The following PDLIM5 variants were observed in gnomAD, a reference collection of about 807,000 sequenced individuals.
PDLIM5 encodes the protein PDZ and LIM domain protein 5.
A neutral mutation model predicts 64.2 loss-of-function variants in PDLIM5; 34 were observed. The ratio of observed to expected loss-of-function variants is 0.53; its 90% CI spans 0.40 to 0.71. The LOEUF (loss-of-function observed/expected upper bound fraction) is 0.71. PDLIM5 is among the 30% of genes least tolerant of loss of function. The pLI, the probability that PDLIM5 is intolerant of heterozygous loss-of-function variation, is 0.00. For missense variants in PDLIM5, 683 were observed against 733.6 expected, an observed-to-expected ratio of 0.93 and a Z score of 0.80; for synonymous variants, 253 against 269.1, an observed-to-expected ratio of 0.94 and a Z score of 0.59.
intron 2 of PDLIM5, among the ~76,000 whole-genome samples, chr4:94,480,049 G>A (rs1304018368): frequency 2.0e-5 from 3 of 152,294 alleles, no homozygotes; most frequent in African/African-American, 7.2e-5. Flanking sequence ...CACTAAATCA[G>A]CAGCTGTCTT....
intron 3 of PDLIM5, among the ~76,000 whole-genome samples, chr4:94,526,932 G>A (rs942950469): frequency 2.7e-5 from 4 of 149,936 alleles, no homozygotes; most frequent in Admixed American, 6.7e-5. Flanking sequence ...ATGGAGTTTC[G>A]TCATGTTGTC....
chr4:94,648,440 C>G (rs545680682), intron 9 of PDLIM5, among the ~76,000 whole-genome samples: 2 of 152,304 alleles, frequency 1.3e-5, no homozygotes, highest in South Asian at 2.1e-4. Context: ...CTGCCTTGGC[C>G]TCCTGAATAG....
intron 3 of PDLIM5, among the ~76,000 whole-genome samples, chr4:94,571,369 T>C (rs988985627): frequency 6.6e-6 from 1 of 152,224 alleles, no homozygotes; most frequent in Non-Finnish European, 1.5e-5. Context: ...ATTGATGGCT[T>C]TGTTCTTTGA....
At chr4:94,593,516 G>C (rs1027247743) in intron 7 of PDLIM5, among the ~76,000 whole-genome samples, 1 of 152,004 alleles carries the variant, frequency 6.6e-6, no homozygotes, top group South Asian at 2.1e-4. Context: ...TTCTCTGTGG[G>C]GGCACAGAGA....
In PDLIM5 at chr4:94,563,950, C is replaced by T. The variant is rs968224269; in HGVS notation, c.249-9401C>T. On this transcript the variant is annotated intron_variant, in intron 3 of 12. Coordinates refer to ENST00000317968, the MANE Select transcript of PDLIM5 (RefSeq NM_006457.5). ...TTAGCAATTTTTCTTTTTTTTTTTT[C>T]TTTCTTTCTTTTTTTTTTTTTTTTC... 1.0e-3 allele frequency among the ~76,000 whole-genome samples: 119 copies of T among 118,074 alleles called. 2 individuals are homozygous for T. The South Asian group carries it at 0.015, about 15-fold the overall frequency. 77.5% of individuals were successfully genotyped at this position (118,074 alleles called of 152,430 possible).
At chr4:94,580,542 A>G (rs2110297905) in intron 5 of PDLIM5, among the ~76,000 whole-genome samples, 1 of 152,296 alleles carries the variant, frequency 6.6e-6, no homozygotes, top group African/African-American at 2.4e-5. Context: ...CAGTGTAAAA[A>G]TGTTAGACTT....
At chr4:94,517,685 A>G (rs185231289) in intron 2 of PDLIM5, among the ~76,000 whole-genome samples, 2 of 152,204 alleles carry the variant, frequency 1.3e-5, no homozygotes, top group East Asian at 3.9e-4. Context: ...TACATTTACT[A>G]TATCTGATGG....
At chr4:94,525,316 G>T (rs1344909803) in intron 3 of PDLIM5, among the ~76,000 whole-genome samples, 1 of 152,096 alleles carries the variant, frequency 6.6e-6, no homozygotes, top group African/African-American at 2.4e-5. Flanking sequence ...CTACTTGGGG[G>T]CTGAGGCAGG....
intron 8 of PDLIM5, among the ~76,000 whole-genome samples, chr4:94,619,126 C>T (rs764167272): frequency 5.9e-5 from 9 of 152,158 alleles, no homozygotes; most frequent in Non-Finnish European, 8.8e-5. Context: ...GTCACCAAAG[C>T]TAGAATGTAG....
chr4:94,480,523 A>G (rs962879574), intron 2 of PDLIM5, among the ~76,000 whole-genome samples: 2 of 152,234 alleles, frequency 1.3e-5, no homozygotes, highest in African/African-American at 4.8e-5. Context: ...TGGTGTTCCC[A>G]GAGCCCAACT....
At chr4:94,650,192 C>G in intron 9 of PDLIM5, among the ~76,000 whole-genome samples, 1 of 152,076 alleles carries the variant, frequency 6.6e-6, no homozygotes, top group East Asian at 1.9e-4. Flanking sequence ...CTCTTTTACT[C>G]TCTTCCTGCT....
chr4:94,647,997 T>C (rs961072947), intron 9 of PDLIM5, among the ~76,000 whole-genome samples: 2 of 152,208 alleles, frequency 1.3e-5, no homozygotes, highest in Non-Finnish European at 2.9e-5. Context: ...CCAAAACTTA[T>C]TGAATGCAGC....
intron 11 of PDLIM5, among the ~76,000 whole-genome samples, chr4:94,660,926 TA>T (rs869134683): frequency 1.3e-3 from 150 of 115,928 alleles, no homozygotes; most frequent in Non-Finnish European, 2.2e-3. Context: ...TAAAAAAAAA[TA>T]AAAAAAATAG....
intron 7 of PDLIM5, among the ~76,000 whole-genome samples, chr4:94,599,925 T>C (rs960969657): frequency 3.3e-5 from 5 of 152,142 alleles, no homozygotes; most frequent in Non-Finnish European, 7.4e-5. Context: ...GAAGAGACTG[T>C]AAAGAAGGTA....
chr4:94,636,603 A>T (rs1434996551), intron 8 of PDLIM5, among the ~76,000 whole-genome samples: 5 of 140,256 alleles, frequency 3.6e-5, no homozygotes, highest in African/African-American at 1.4e-4. Context: ...CAGTGGTGCG[A>T]TCTTGGCTCA....
chr4:94,553,064 G>T (rs566331066), intron 3 of PDLIM5, among the ~76,000 whole-genome samples: 21 of 151,580 alleles, frequency 1.4e-4, no homozygotes, highest in Admixed American at 3.3e-4. Flanking sequence ...ACTTCTCCTA[G>T]TATTTACCTT....
chr4:94,503,419 G>C (rs1298329237), intron 2 of PDLIM5, among the ~76,000 whole-genome samples: 1 of 152,138 alleles, frequency 6.6e-6, no homozygotes, highest in Non-Finnish European at 1.5e-5. Context: ...TGAATAACTT[G>C]GGTATTTTTC....
intron 2 of PDLIM5, among the ~76,000 whole-genome samples, chr4:94,491,851 A>C (rs1726904603): frequency 6.6e-6 from 1 of 152,124 alleles, no homozygotes; most frequent in Non-Finnish European, 1.5e-5. Context: ...GGAATGATTA[A>C]TGCAATCTAA....
chr4:94,556,001 A>C (rs1218676543), intron 3 of PDLIM5, among the ~76,000 whole-genome samples: 1 of 151,782 alleles, frequency 6.6e-6, no homozygotes, highest in Non-Finnish European at 1.5e-5. Context: ...GGTGTGCTGC[A>C]CCCATTAACT....
Sources: allele counts gnomAD v4.1 joint callset (sites outside exome capture counted in the v4.1 genomes callset), GRCh38; gene constraint gnomAD v4.1.1; transcripts MANE v1.5; gene names NCBI Gene and HGNC (gene_info 2026-07-23, HGNC 2026-07-21).